The following DMTF1 variants were observed in gnomAD, a reference collection of about 807,000 sequenced individuals.
DMTF1 encodes the protein cyclin D binding myb like transcription factor 1, also known as cyclin-D-binding Myb-like transcription factor 1.
A neutral mutation model predicts 91.1 loss-of-function variants in DMTF1; 39 were observed. That is an observed-to-expected ratio of 0.43 (90% confidence interval 0.33 to 0.56). The LOEUF (loss-of-function observed/expected upper bound fraction) is 0.56. Among genes scored for constraint, DMTF1 ranks in the 20% least tolerant of loss-of-function variants. The probability of loss-of-function intolerance (pLI) is 0.05; values close to 1 mark genes in which losing one functional copy is unlikely to be tolerated. For missense variants in DMTF1, 750 were observed against 914.5 expected, an observed-to-expected ratio of 0.82 and a Z score of 2.32; for synonymous variants, 338 against 309.5, an observed-to-expected ratio of 1.09 and a Z score of -0.97.
chr7:87,164,571 AG>A (rs1793357855), intron 2 of DMTF1, among the ~76,000 whole-genome samples: 1 of 149,002 alleles, frequency 6.7e-6, no homozygotes, highest in Non-Finnish European at 1.5e-5. Flanking sequence ...TTAAAGAAAA[AG>A]AAGTTAAGTA....
intron 1 of DMTF1, among the ~76,000 whole-genome samples, chr7:87,161,696 GTTC>G (rs1792459008): frequency 6.6e-6 from 1 of 152,184 alleles, no homozygotes; most frequent in East Asian, 1.9e-4. Context: ...CAGGATTCCT[GTTC>G]TTTTTCTCAA....
chr7:87,191,082 C>G (rs73208503), intron 14 of DMTF1, 55 bp downstream of exon 14: 37,443 of 1,162,486 alleles, frequency 0.032, 724 homozygotes, highest in East Asian at 0.058. Context: ...AGATCAGTTG[C>G]TATCACTTTT....
intron 6 of DMTF1, among the ~76,000 whole-genome samples, chr7:87,174,043 T>C (rs1007173384): frequency 6.6e-6 from 1 of 152,162 alleles, no homozygotes; most frequent in Non-Finnish European, 1.5e-5. Flanking sequence ...TTGGCTATGC[T>C]CAAGCATAGC....
chr7:87,171,022 T>C lies in DMTF1; in HGVS notation c.260T>C (p.Val87Ala). 1 of 1,612,310 alleles carries C rather than the reference T, an allele frequency of 6.2e-7. No individual in the cohort carries two copies. Among genetic ancestry groups the C allele is most frequent in the Non-Finnish European group, 8.5e-7 (1 of 1,178,628 alleles). The change falls in exon 5 of 18, where the codon GTG (valine) becomes GCG (alanine). Residue 87 changes from valine (V) to alanine (A), a missense_variant. Physicochemically the swap from Val to Ala is moderately conservative, Grantham distance 64 (BLOSUM62 0). Coordinates refer to ENST00000331242, the MANE Select transcript of DMTF1 (RefSeq NM_001142327.2). The part of the protein sequence containing the change: ...PLSENDQSFE[V>A]TMTATTEVAD... ...TCAGAAAATGATCAGAGCTTTGAAG[T>C]GACCATGACTGCAACCACAGAAGTA...
intron 7 of DMTF1, among the ~76,000 whole-genome samples, chr7:87,176,426 G>A (rs899102722): frequency 2.0e-5 from 3 of 152,184 alleles, no homozygotes; most frequent in African/African-American, 4.8e-5. Flanking sequence ...AATTAAGCTG[G>A]TTTCTTGTCT....
chr7:87,162,542 G>A (rs1445442454), intron 1 of DMTF1, among the ~76,000 whole-genome samples: 2 of 152,128 alleles, frequency 1.3e-5, no homozygotes, highest in Non-Finnish European at 2.9e-5. Flanking sequence ...AAATCGTTGG[G>A]AAGTTTATGG....
chr7:87,183,621 C>T (rs1289046780), intron 10 of DMTF1, among the ~76,000 whole-genome samples: 1 of 152,052 alleles, frequency 6.6e-6, no homozygotes, highest in Non-Finnish European at 1.5e-5. Context: ...GAATGGAATC[C>T]CAAAGCAAGC....
chr7:87,178,917 G>A (rs1048607023), intron 7 of DMTF1, among the ~76,000 whole-genome samples: 5 of 151,794 alleles, frequency 3.3e-5, no homozygotes, highest in African/African-American at 1.2e-4. Context: ...CGATTTTCTT[G>A]ATGGTCTGTG....
At chr7:87,185,802 C>G in intron 11 of DMTF1, 27 bp from the exon 12 acceptor site, 1 of 1,612,890 alleles carries the variant, frequency 6.2e-7, no homozygotes, top group Non-Finnish European at 8.5e-7. Flanking sequence ...AATTTAATGT[C>G]TAACGATGCT....
At chr7:87,186,152 A>G in intron 12 of DMTF1, 172 bp downstream of exon 12, 5 of 639,500 alleles carry the variant, frequency 7.8e-6, no homozygotes, top group Admixed American at 3.1e-5. Context: ...AAGAGTTAAT[A>G]CTGTTTGTAA....
chr7:87,160,864 A>C (rs1792150028), intron 1 of DMTF1, among the ~76,000 whole-genome samples: 1 of 152,152 alleles, frequency 6.6e-6, no homozygotes, highest in Non-Finnish European at 1.5e-5. Flanking sequence ...TCCCAAATTT[A>C]GTGGAGTGCT....
chr7:87,190,868 T>TAC, intron 13 of DMTF1, 77 bp from the exon 14 acceptor site: 1 of 1,210,066 alleles, frequency 8.3e-7, no homozygotes, highest in Non-Finnish European at 1.2e-6. Flanking sequence ...GATAATTGAG[T>TAC]ACACTAGAGA....
Position 87,170,988 on chromosome 7 carries a change from C to CT in DMTF1, c.233-5dup, listed in dbSNP as rs773987320. On this transcript the variant is annotated splice_region_variant and splice_polypyrimidine_tract_variant and intron_variant, in intron 4 of 17. Transcript: ENST00000331242. ...ATTCTGGAGATGAACGGTTCCTTTT[C>CT]TTGAAGTTTCAGAAAATGATCAGAG... The CT allele has an allele frequency of 4.4e-6, 7 of 1,590,592 alleles. No homozygotes were observed. Among genetic ancestry groups the CT allele is most frequent in the Non-Finnish European group, 3.4e-6 (4 of 1,160,934 alleles).
rs1793043820 is a variant in DMTF1 at position 87,163,538 on chromosome 7, A to G, written c.-88A>G. ...ACATGGGAGAGAAACAATCTGGGTAACATGAAAGTGATGCTGGTTGCTAAG... is the reference window on the plus strand; with the variant it reads ...ACATGGGAGAGAAACAATCTGGGTAGCATGAAAGTGATGCTGGTTGCTAAG... On this transcript the variant is annotated 5_prime_UTR_variant, in exon 2 of 18. It removes the in-frame stop codon of an upstream open reading frame in the 5' UTR. Coordinates refer to ENST00000331242, the MANE Select transcript of DMTF1 (RefSeq NM_001142327.2). The G allele has an allele frequency of 6.6e-6, 1 of 152,276 alleles. No homozygotes were observed. The highest frequency in any genetic ancestry group is 2.1e-4 in the South Asian group (1 of 4,834). The allele number at this position is 152,276 out of a possible 1,614,324, so 9.4% of individuals were successfully genotyped here. A position where few individuals can be genotyped will look rare whatever the true frequency, so the allele number is the denominator to read the frequency against.
intron 1 of DMTF1, chr7:87,155,392 A>G (rs1340107420): frequency 6.6e-6 from 1 of 151,886 alleles, no homozygotes; most frequent in African/African-American, 2.4e-5. Context: ...CCACCATCAT[A>G]TTTTTCCTAT....
chr7:87,183,917 T>G (rs1797897607), intron 10 of DMTF1, among the ~76,000 whole-genome samples: 1 of 152,224 alleles, frequency 6.6e-6, no homozygotes, highest in Non-Finnish European at 1.5e-5. Flanking sequence ...TAGTTTTTAC[T>G]AAAATAGGTT....
At chr7:87,159,679 G>C (rs1791734998) in intron 1 of DMTF1, among the ~76,000 whole-genome samples, 1 of 152,184 alleles carries the variant, frequency 6.6e-6, no homozygotes, top group African/African-American at 2.4e-5. Flanking sequence ...TACAAAGAAG[G>C]AAAATTGAGC....
At chr7:87,189,187 A>AAT (rs1799185030) in intron 13 of DMTF1, among the ~76,000 whole-genome samples, 1 of 152,128 alleles carries the variant, frequency 6.6e-6, no homozygotes, top group South Asian at 2.1e-4. Context: ...CATGTTTCCA[A>AAT]ATATACCATT....
chr7:87,171,173 C>G, intron 5 of DMTF1, 84 bp downstream of exon 5: 1 of 941,804 alleles, frequency 1.1e-6, no homozygotes, highest in Non-Finnish European at 1.6e-6. Context: ...ACCTCAGCCT[C>G]CCAAGTAGCG....
Sources: allele counts gnomAD v4.1 joint callset (sites outside exome capture counted in the v4.1 genomes callset), GRCh38; gene constraint gnomAD v4.1.1; transcripts MANE v1.5; gene names NCBI Gene and HGNC (gene_info 2026-07-23, HGNC 2026-07-21).